Variants in ADAMTS16 observed in about 807,000 individuals in gnomAD.
The protein encoded by ADAMTS16 is A disintegrin and metalloproteinase with thrombospondin motifs 16.
A neutral mutation model predicts 145.8 loss-of-function variants in ADAMTS16; 94 were observed. The observed-to-expected ratio is 0.64, with a 90% CI of 0.55 to 0.77. The LOEUF (loss-of-function observed/expected upper bound fraction) is 0.77, where lower values mean the gene tolerates loss of function less well. ADAMTS16 is among the 30% of genes least tolerant of loss of function. The pLI is 0.00. For synonymous variants in ADAMTS16, 659 were observed against 604.3 expected (o/e 1.09, Z -1.33); for missense variants, 1,585 against 1,591.5 (o/e 1.00, Z 0.07).
intron 3 of ADAMTS16, among the ~76,000 whole-genome samples, chr5:5,153,943 G>C (rs1364682684): frequency 2.0e-5 from 3 of 152,086 alleles, no homozygotes; most frequent in Non-Finnish European, 4.4e-5. Context: ...CACTTGATTT[G>C]ACACTTATTC....
At chr5:5,243,160 G>A (rs1737347252) in intron 17 of ADAMTS16, among the ~76,000 whole-genome samples, 1 of 152,170 alleles carries the variant, frequency 6.6e-6, no homozygotes, top group Admixed American at 6.5e-5. Flanking sequence ...TTAACAAAAA[G>A]TTTAAATAGT....
intron 18 of ADAMTS16, among the ~76,000 whole-genome samples, chr5:5,291,382 T>C (rs73041130): frequency 0.06 from 9,171 of 151,990 alleles, 480 homozygotes; most frequent in African/African-American, 0.15. Flanking sequence ...AGGTGAGGGT[T>C]GAGGAGGAGA....
chr5:5,259,752 T>C (rs993701923), intron 17 of ADAMTS16, among the ~76,000 whole-genome samples: 66 of 152,270 alleles, frequency 4.3e-4, no homozygotes, highest in African/African-American at 1.5e-3. Flanking sequence ...TAACCTTGTA[T>C]CTGCAGCTTT....
intron 17 of ADAMTS16, among the ~76,000 whole-genome samples, chr5:5,247,996 C>G (rs1335077674): frequency 6.6e-6 from 1 of 152,202 alleles, no homozygotes; most frequent in Non-Finnish European, 1.5e-5. Flanking sequence ...TTCCCTCTTC[C>G]GAGTTCAAGG....
intron 17 of ADAMTS16, among the ~76,000 whole-genome samples, chr5:5,259,538 T>C (rs1737923821): frequency 6.6e-6 from 1 of 152,220 alleles, no homozygotes; most frequent in Non-Finnish European, 1.5e-5. Context: ...TCTCCAAAGA[T>C]GATTTATTTT....
At chr5:5,158,253 T>C (rs192979564) in intron 3 of ADAMTS16, among the ~76,000 whole-genome samples, 2 of 152,164 alleles carry the variant, frequency 1.3e-5, no homozygotes, top group Admixed American at 6.5e-5. Context: ...AGCACCATGA[T>C]TGTTACGATT....
chr5:5,285,960 C>T (rs1739086042), intron 18 of ADAMTS16, among the ~76,000 whole-genome samples: 1 of 152,206 alleles, frequency 6.6e-6, no homozygotes, highest in Admixed American at 6.5e-5. Flanking sequence ...ATGCAATTCT[C>T]TGTTGCGACT....
rs114072432 is a variant in ADAMTS16, at chr5:5,242,598, C to T, written c.2662+407C>T. On this transcript the variant is annotated intron_variant, in intron 17 of 22. Transcript: ENST00000274181. ...GTTTTTTAATCTAACTAATCTTGTT[C>T]AAAACGTTTCCTGGAAAGAGCTTTG... Among the ~76,000 whole-genome samples the T allele has an allele frequency of 7.1e-3, 1,080 of 152,252 alleles. 10 individuals are homozygous for T. The highest frequency in any genetic ancestry group is 0.011 in the Non-Finnish European group (754 of 68,032).
intron 3 of ADAMTS16, among the ~76,000 whole-genome samples, chr5:5,147,993 A>G (rs1334191657): frequency 3.3e-5 from 5 of 152,214 alleles, no homozygotes; most frequent in Non-Finnish European, 2.9e-5. Context: ...CAGTAGCTTG[A>G]AATTTCTGGC....
At chr5:5,272,509 C>A (rs962232037) in intron 18 of ADAMTS16, among the ~76,000 whole-genome samples, 1 of 151,656 alleles carries the variant, frequency 6.6e-6, no homozygotes, top group African/African-American at 2.4e-5. Flanking sequence ...CTACAGGCAC[C>A]CGCCACTACG....
chr5:5,310,593 C>T lies in ADAMTS16; in HGVS notation c.3411+3865C>T, dbSNP rs377692066. On this transcript the variant is annotated intron_variant, in intron 21 of 22. Coordinates refer to ENST00000274181, the MANE Select transcript of ADAMTS16 (RefSeq NM_139056.4). This position sits in a 1 kb window ranked among gnomAD's most constrained non-coding sequence, Gnocchi z 4.3. ...GGGAGCAAGTGGTGGGTGGCACTGG[C>T]TGTGTGATGGGTGACAGAGGCAGGC... 8.0e-4 allele frequency among the ~76,000 whole-genome samples: 122 copies of T among 152,244 alleles called. No individual in the cohort carries two copies. Among genetic ancestry groups the T allele is most frequent in the Non-Finnish European group, 1.5e-3 (105 of 68,014 alleles).
intron 9 of ADAMTS16, among the ~76,000 whole-genome samples, chr5:5,203,732 C>A (rs909599061): frequency 1.3e-5 from 2 of 152,150 alleles, no homozygotes; most frequent in Non-Finnish European, 2.9e-5. Flanking sequence ...TTCATGACAA[C>A]AGGGACTCAT....
At chr5:5,144,600 C>T (rs1734246461) in intron 2 of ADAMTS16, among the ~76,000 whole-genome samples, 1 of 152,108 alleles carries the variant, frequency 6.6e-6, no homozygotes, top group South Asian at 2.1e-4. Context: ...GGGTGATTTC[C>T]CAGGTCAAAG....
chr5:5,149,569 T>G (rs1232338218), intron 3 of ADAMTS16, among the ~76,000 whole-genome samples: 1 of 152,198 alleles, frequency 6.6e-6, no homozygotes, highest in Non-Finnish European at 1.5e-5. Context: ...CTTTAAAGAG[T>G]TAATTAGCTC....
chr5:5,168,317 T>C (rs1430417629), intron 3 of ADAMTS16, among the ~76,000 whole-genome samples: 1 of 150,378 alleles, frequency 6.6e-6, no homozygotes, highest in Non-Finnish European at 1.5e-5. Flanking sequence ...AATATTCTCA[T>C]TGTTTTACTC....
chr5:5,248,145 G>C (rs71596746), intron 17 of ADAMTS16, among the ~76,000 whole-genome samples: 1 of 152,156 alleles, frequency 6.6e-6, no homozygotes, highest in African/African-American at 2.4e-5. Context: ...TACAGAATTC[G>C]TTTGATTTTT....
chr5:5,160,369 T>C (rs889431738), intron 3 of ADAMTS16, among the ~76,000 whole-genome samples: 1 of 152,196 alleles, frequency 6.6e-6, no homozygotes, highest in Admixed American at 6.5e-5. Context: ...AGTAGTTCAG[T>C]ATATTGTCCA....
intron 18 of ADAMTS16, among the ~76,000 whole-genome samples, chr5:5,295,020 C>T (rs1158690813): frequency 1.3e-5 from 2 of 152,198 alleles, no homozygotes; most frequent in Non-Finnish European, 2.9e-5. Context: ...AAAAAATGCA[C>T]ACACATACCT....
intron 17 of ADAMTS16, among the ~76,000 whole-genome samples, chr5:5,246,765 C>A (rs560256448): frequency 6.6e-6 from 1 of 152,256 alleles, no homozygotes; most frequent in East Asian, 1.9e-4. Context: ...GTACTTCGAT[C>A]CAGTGATTTT....
Sources: allele counts gnomAD v4.1 joint callset (sites outside exome capture counted in the v4.1 genomes callset), GRCh38; gene constraint gnomAD v4.1.1; non-coding constraint Gnocchi (gnomAD v3.1); transcripts MANE v1.5; gene names NCBI Gene and HGNC (gene_info 2026-07-23, HGNC 2026-07-21).